Variants in TNRC6C observed in about 807,000 individuals in gnomAD.
TNRC6C encodes the protein trinucleotide repeat-containing gene 6C protein.
TNRC6C carries 20 observed loss-of-function variants against 153.7 expected under a neutral mutation model. The observed-to-expected ratio is 0.13, with a 90% CI of 0.09 to 0.19. The LOEUF (loss-of-function observed/expected upper bound fraction) is 0.19. Ranked by LOEUF, TNRC6C falls within the 10% of genes least tolerant of loss-of-function variation. The pLI is 1.00. For missense variants in TNRC6C, 1,987 were observed against 2,172.0 expected (o/e 0.91, Z 1.69); for synonymous variants, 811 against 841.4 (o/e 0.96, Z 0.63).
intron 16 of TNRC6C, chr17:78,097,792 G>T (rs369221517): frequency 3.3e-4 from 514 of 1,551,124 alleles, no homozygotes; most frequent in Admixed American, 5.1e-4. Context: ...TTCTTCGAGT[G>T]CCTGGCCACT....
intron 1 of TNRC6C, among the ~76,000 whole-genome samples, chr17:78,006,544 T>C (rs2071509353): frequency 7.8e-6 from 1 of 128,712 alleles, no homozygotes; most frequent in African/African-American, 3.3e-5. Context: ...CTTCTTCTTC[T>C]TCTTCTTCTT....
intron 1 of TNRC6C, among the ~76,000 whole-genome samples, chr17:78,011,276 T>C (rs998005923): frequency 6.6e-6 from 1 of 152,240 alleles, no homozygotes; most frequent in Admixed American, 6.5e-5. Context: ...ATCACCATGA[T>C]CAAGATGACA....
intron 1 of TNRC6C, among the ~76,000 whole-genome samples, chr17:77,961,365 A>G (rs2070861094): frequency 2.0e-5 from 3 of 152,192 alleles, no homozygotes; most frequent in Admixed American, 2.0e-4. Flanking sequence ...CATGTTGGCC[A>G]GGCTGGTCTC....
At chr17:78,063,236 C>T (rs2072803876) in intron 3 of TNRC6C, among the ~76,000 whole-genome samples, 1 of 149,742 alleles carries the variant, frequency 6.7e-6, no homozygotes, top group East Asian at 1.9e-4. Flanking sequence ...CAGAGCAAGA[C>T]TCTGTCTCCA....
At chr17:78,052,791 A>G (rs1476285576) in intron 3 of TNRC6C, among the ~76,000 whole-genome samples, 1 of 152,176 alleles carries the variant, frequency 6.6e-6, no homozygotes, top group Admixed American at 6.5e-5. Flanking sequence ...CTGCCACATC[A>G]GGAATCCTTT....
At chr17:78,046,645 A>C (rs2072417343) in intron 2 of TNRC6C, among the ~76,000 whole-genome samples, 1 of 152,218 alleles carries the variant, frequency 6.6e-6, no homozygotes, top group African/African-American at 2.4e-5. Flanking sequence ...CATGTCTTCT[A>C]CAAGATGATA....
At chr17:78,031,667 G>A in exon 2 of TNRC6C, 1 of 1,232,458 alleles carries the variant, frequency 8.1e-7, no homozygotes, top group South Asian at 4.1e-5. Context: ...TGCCTCGTGA[G>A]GTGCCTCCAC....
rs866417656 is a variant in TNRC6C at position 78,073,238 on chromosome 17, A to G, written c.2917+144A>G. ...CACAGTGAAGGGGCAACCACACAAC[A>G]AGCTGGAACCACAGAGGGAGCCTCT... On this transcript the variant is annotated intron_variant, in intron 7 of 19. Coordinates refer to ENST00000301624, the Ensembl canonical transcript of TNRC6C. 22 of 580,506 alleles carry G rather than the reference A, an allele frequency of 3.8e-5. No individual in the cohort carries two copies. In the African/African-American group the frequency reaches 4.0e-4, roughly 11 times the overall value. 36.0% of individuals were successfully genotyped at this position (580,506 alleles called of 1,614,324 possible).
In TNRC6C at chr17:78,104,736, C is replaced by A. The variant is rs1482605541; in HGVS notation, c.4964C>A (p.Ser1655Tyr). ...CTGTGGGGCGGGGTGCCCCAGTACT[C>A]CAGCAGCCTGTGGGGCCCGCCCAGC... The change falls in exon 20 of 20, where the codon TCC becomes TAC. Residue 1655 changes from serine (S) to tyrosine (Y), a missense_variant. Coordinates refer to ENST00000301624, the Ensembl canonical transcript of TNRC6C. The surrounding 1 kb of genome is among the most constrained non-coding windows in gnomAD (Gnocchi z 6.2). 1 of 1,522,678 alleles carries A rather than the reference C, an allele frequency of 6.6e-7. No individual in the cohort carries two copies. The allele number at this position is 1,522,678 out of a possible 1,614,324, so 94.3% of individuals were successfully genotyped here. A position where few individuals can be genotyped will look rare whatever the true frequency, so the allele number is the denominator to read the frequency against.
chr17:78,076,262 A>C (rs1284249292), intron 8 of TNRC6C, among the ~76,000 whole-genome samples: 1 of 151,568 alleles, frequency 6.6e-6, no homozygotes, highest in Non-Finnish European at 1.5e-5. Flanking sequence ...GCTCACAAGC[A>C]AAGAATATCA....
chr17:78,075,028 AAGGGGTGG>A lies in TNRC6C; in HGVS notation c.2918-103_2918-96del. On this transcript the variant is annotated intron_variant, in intron 7 of 19. Coordinates refer to ENST00000301624, the Ensembl canonical transcript of TNRC6C. The surrounding 1 kb of genome is among the most constrained non-coding windows in gnomAD (Gnocchi z 4.2). ...TCTGCCCCTGGCTTCCCTGTGTTTG[AAGGGGTGG>A]AGGGTCTCCATCCCTCCTTGAGGCC... 5 of 1,368,012 alleles carry A rather than the reference AAGGGGTGG, an allele frequency of 3.7e-6. No individual in the cohort carries two copies. The highest frequency in any genetic ancestry group is 5.0e-6 in the Non-Finnish European group (5 of 1,006,448). The allele number at this position is 1,368,012 out of a possible 1,614,324, so 84.7% of individuals were successfully genotyped here.
intron 4 of TNRC6C, among the ~76,000 whole-genome samples, chr17:78,065,241 A>C (rs1012474597): frequency 6.6e-6 from 1 of 151,860 alleles, no homozygotes; most frequent in Non-Finnish European, 1.5e-5. Flanking sequence ...AATCCCAGCT[A>C]TTCGGGAGGC....
At chr17:78,093,570 A>G in intron 15 of TNRC6C, 50 bp from the exon 18 acceptor site, 1 of 1,596,234 alleles carries the variant, frequency 6.3e-7, no homozygotes, top group Non-Finnish European at 8.5e-7. Flanking sequence ...TTCGTGAATC[A>G]ATGTGCCGGT....
chr17:77,963,321 C>T (rs959647363), intron 1 of TNRC6C, among the ~76,000 whole-genome samples: 5 of 152,116 alleles, frequency 3.3e-5, no homozygotes, highest in African/African-American at 1.2e-4. Context: ...AATAATGGTA[C>T]AGTTTCCTAT....
At chr17:78,107,733 T>C (rs1415709543) in exon 20 of TNRC6C, 1 of 152,230 alleles carries the variant, frequency 6.6e-6, no homozygotes, top group East Asian at 1.9e-4. Flanking sequence ...TCCAAGTCTG[T>C]TCATCTGGTA....
chr17:77,976,553 C>T (rs770627965), intron 1 of TNRC6C, among the ~76,000 whole-genome samples: 1 of 152,170 alleles, frequency 6.6e-6, no homozygotes, highest in African/African-American at 2.4e-5. Flanking sequence ...GATTCTTCAT[C>T]GCTGAAGTCA....
At chr17:77,977,956 C>G (rs1035319603) in intron 1 of TNRC6C, among the ~76,000 whole-genome samples, 2 of 135,302 alleles carry the variant, frequency 1.5e-5, no homozygotes, top group African/African-American at 5.8e-5. Flanking sequence ...AGTGCAGTGG[C>G]GCAATCTCGG....
chr17:77,985,732 T>C (rs192616650), intron 1 of TNRC6C, among the ~76,000 whole-genome samples: 59 of 152,304 alleles, frequency 3.9e-4, no homozygotes, highest in Admixed American at 8.5e-4. Flanking sequence ...AGTCTCTCTG[T>C]CTTAAGGTCA....
At chr17:78,045,191 T>C (rs978071036) in intron 2 of TNRC6C, among the ~76,000 whole-genome samples, 2 of 152,154 alleles carry the variant, frequency 1.3e-5, no homozygotes, top group Admixed American at 1.3e-4. Flanking sequence ...TGGAAAGTTA[T>C]TTACAGTAAT....
Sources: allele counts gnomAD v4.1 joint callset (sites outside exome capture counted in the v4.1 genomes callset), GRCh38; gene constraint gnomAD v4.1.1; non-coding constraint Gnocchi (gnomAD v3.1); transcripts MANE v1.5; gene names NCBI Gene and HGNC (gene_info 2026-07-23, HGNC 2026-07-21).